TOR1B: variants seen among roughly 807,000 people sequenced by gnomAD.
The protein encoded by TOR1B is torsin family 1 member B.
TOR1B carries 14 observed loss-of-function variants against 29.2 expected under a neutral mutation model. The ratio of observed to expected loss-of-function variants is 0.48; its 90% CI spans 0.32 to 0.75. TOR1B has a LOEUF of 0.75. Ranked by LOEUF, TOR1B falls within the 30% of genes least tolerant of loss-of-function variation. The probability of loss-of-function intolerance (pLI) is 0.04; values close to 1 mark genes in which losing one functional copy is unlikely to be tolerated. For missense variants in TOR1B, 400 were observed against 433.9 expected (o/e 0.92, Z 0.69); for synonymous variants, 166 against 179.8 (o/e 0.92, Z 0.62).
At position 129,804,203 on chromosome 9, in the gene TOR1B, G is replaced by T. The variant is rs776410875; in HGVS notation, c.330G>T (p.Trp110Cys). 6 of 1,614,178 alleles carry T rather than the reference G, an allele frequency of 3.7e-6. No homozygotes were observed. Among genetic ancestry groups the T allele is most frequent in the Non-Finnish European group, 5.1e-6 (6 of 1,180,042 alleles). ...KKPLTLSLHG[W>C]AGTGKNFVSQ... ...CACTGACCCTTTCCTTACACGGCTG[G>T]GCTGGCACAGGCAAGAATTTTGTCA... Residue 110 changes from tryptophan (W) to cysteine (C), a missense_variant, in exon 2 of 5, where the codon TGG becomes TGT. By Grantham distance (215) the Trp-to-Cys change is radical. Coordinates refer to ENST00000259339, the MANE Select transcript of TOR1B (RefSeq NM_014506.3).
intron 2 of TOR1B, 134 bp from the exon 3 acceptor site, chr9:129,807,054 C>A: frequency 1.3e-6 from 1 of 742,294 alleles, no homozygotes; most frequent in Non-Finnish European, 2.2e-6. Flanking sequence ...TGCTACCTAG[C>A]GAGTGGGGGT....
chr9:129,804,532 C>A lies in TOR1B; in HGVS notation c.465+194C>A, dbSNP rs1284046039. On this transcript the variant is annotated intron_variant, in intron 2 of 4. Coordinates refer to ENST00000259339, the MANE Select transcript of TOR1B (RefSeq NM_014506.3). ...TCTCTTACTTGGTTCCAAAACAGTC[C>A]AGTGGGGTAGGGGATGTTATTTCCA... The A allele has an allele frequency of 4.4e-6, 3 of 681,972 alleles. No homozygotes were observed. In the African/African-American group the frequency reaches 5.4e-5, roughly 12 times the overall value. 42.2% of individuals were successfully genotyped at this position (681,972 alleles called of 1,614,324 possible). A position where few individuals can be genotyped will look rare whatever the true frequency, so the allele number is the denominator to read the frequency against.
chr9:129,810,213 C>T lies in TOR1B; in HGVS notation c.*630C>T, dbSNP rs890164663. The T allele has an allele frequency of 1.2e-5, 15 of 1,304,106 alleles. No individual in the cohort carries two copies. Among genetic ancestry groups the T allele is most frequent in the East Asian group, 5.5e-5 (1 of 18,038 alleles). The allele number at this position is 1,304,106 out of a possible 1,614,324, so 80.8% of individuals were successfully genotyped here. A position where few individuals can be genotyped will look rare whatever the true frequency, so the allele number is the denominator to read the frequency against. ...CCAAAAACATCCTTTTGCTCTGTCT[C>T]GTTCTTTACACAGAGTTCACTGACT... On this transcript the variant is annotated 3_prime_UTR_variant, in exon 5 of 5. Transcript: ENST00000259339.
chr9:129,804,522 C>T, intron 2 of TOR1B, 184 bp downstream of exon 2: 1 of 744,352 alleles, frequency 1.3e-6, no homozygotes, highest in East Asian at 2.7e-5. Context: ...TACTTGGTTC[C>T]AAAACAGTCC....
intron 2 of TOR1B, 69 bp downstream of exon 2, chr9:129,804,407 C>G: frequency 1.3e-6 from 2 of 1,564,838 alleles, no homozygotes; most frequent in Non-Finnish European, 1.7e-6. Context: ...CTCACTAACT[C>G]TGGCCTCTGC....
At chr9:129,803,791 A>G (rs1157429729) in intron 1 of TOR1B, among the ~76,000 whole-genome samples, 1 of 152,216 alleles carries the variant, frequency 6.6e-6, no homozygotes, top group Non-Finnish European at 1.5e-5. Context: ...GTTTTCCTGC[A>G]GGTCAGCAAG....
Position 129,803,291 on chromosome 9 carries a change from C to G in TOR1B, c.79C>G (p.Pro27Ala), listed in dbSNP as rs1398480706. Residue 27 changes from proline to alanine, a missense_variant, in exon 1 of 5, where the codon CCC becomes GCC. Pro to Ala is a conservative substitution (Grantham distance 27, BLOSUM62 -1). Transcript: ENST00000259339. Reference protein sequence around the residue: ...LAARVVAAFEPITVGLAIGAA... With the variant: ...LAARVVAAFEAITVGLAIGAA... ...GGCCCGAGTGGTGGCGGCGTTCGAGCCCATCACCGTGGGCCTAGCCATCGG... is the reference window on the plus strand; with the variant it reads ...GGCCCGAGTGGTGGCGGCGTTCGAGGCCATCACCGTGGGCCTAGCCATCGG... 6.3e-7 allele frequency: 1 copy of G among 1,579,894 alleles called. No individual in the cohort carries two copies. The highest frequency in any genetic ancestry group is 1.7e-5 in the Admixed American group (1 of 57,370).
chr9:129,804,694 C>A (rs2030369459), intron 2 of TOR1B, among the ~76,000 whole-genome samples: 1 of 152,002 alleles, frequency 6.6e-6, no homozygotes, highest in South Asian at 2.1e-4. Flanking sequence ...AACCCCATCT[C>A]TACCTAAAAG....
Position 129,803,271 on chromosome 9 carries a change from G to A in TOR1B, c.59G>A (p.Arg20Gln). Residue 20 changes from arginine to glutamine, a missense_variant, in exon 1 of 5, where the codon CGA becomes CAA. Physicochemically the swap from Arg to Gln is conservative, Grantham distance 43. Transcript: ENST00000259339. ...GCGCTGGCGCTGCTGCTGGCGGCCC[G>A]AGTGGTGGCGGCGTTCGAGCCCATC... Reference protein sequence around the residue: ...AAALALLLAARVVAAFEPITV... With the variant: ...AAALALLLAAQVVAAFEPITV... 6.4e-7 allele frequency: 1 copy of A among 1,566,076 alleles called. No homozygotes were observed. The highest frequency in any genetic ancestry group is 8.6e-7 in the Non-Finnish European group (1 of 1,161,570).
intron 2 of TOR1B, among the ~76,000 whole-genome samples, chr9:129,805,519 A>G (rs1201219820): frequency 6.6e-6 from 1 of 152,182 alleles, no homozygotes; most frequent in East Asian, 1.9e-4. Flanking sequence ...TTGTAGCAGA[A>G]CCAAAACCTC....
In TOR1B at chr9:129,804,239, G is replaced by A. The variant is rs1237720271; in HGVS notation, c.366G>A (p.Val122=). ...GTGKNFVSQI[V]AENLHPKGLK... is the part of the protein sequence containing the mutation. ...GCAAGAATTTTGTCAGTCAAATTGT[G>A]GCTGAAAATCTTCACCCAAAAGGTC... is the stretch of plus-strand genomic sequence containing the variant. Residue 122 remains valine (V), a synonymous_variant, in exon 2 of 5, where the codon GTG becomes GTA. Transcript: ENST00000259339. 1.2e-5 allele frequency: 19 copies of A among 1,614,206 alleles called. No individual in the cohort carries two copies. The highest frequency in any genetic ancestry group is 6.7e-5 in the East Asian group (3 of 44,882).
chr9:129,804,377 G>C lies in TOR1B; in HGVS notation c.465+39G>C, dbSNP rs774255451. On this transcript the variant is annotated intron_variant, in intron 2 of 4. Coordinates refer to ENST00000259339, the MANE Select transcript of TOR1B (RefSeq NM_014506.3). ...CTATTATCTCGTCTGCAGGCCAGTC[G>C]GACTGGTCCGGGTGACCTGCTCACT... 6.9e-6 allele frequency: 11 copies of C among 1,599,738 alleles called. No individual in the cohort carries two copies. The South Asian group carries it at 1.2e-4, about 18-fold the overall frequency.
Position 129,803,226 on chromosome 9 carries a change from G to T in TOR1B, c.14G>T (p.Gly5Val), listed in dbSNP as rs1163760632. 6.6e-7 allele frequency: 1 copy of T among 1,524,074 alleles called. No homozygotes were observed. Among genetic ancestry groups the T allele is most frequent in the Non-Finnish European group, 8.7e-7 (1 of 1,143,706 alleles). 94.4% of individuals were successfully genotyped at this position (1,524,074 alleles called of 1,614,324 possible). Residue 5 changes from glycine (G) to valine (V), a missense_variant, in exon 1 of 5, where the codon GGG (glycine) becomes GTG (valine). Physicochemically the swap from Gly to Val is moderately radical, Grantham distance 109 (BLOSUM62 -3). Transcript: ENST00000259339. Reference sequence around the variant, plus strand: ...TCGAGGAGCGGGATGTTGCGGGCTGGGTGGCTCCGGGGCGCGGCGGCGCTG... The same window carrying T: ...TCGAGGAGCGGGATGTTGCGGGCTGTGTGGCTCCGGGGCGCGGCGGCGCTG... MLRA[G>V]WLRGAAALAL...
rs1407098360 is a variant in TOR1B, at chr9:129,804,340, C to T, written c.465+2C>T. The T allele has an allele frequency of 1.2e-6, 2 of 1,609,172 alleles. No homozygotes were observed. Among genetic ancestry groups the T allele is most frequent in the Non-Finnish European group, 1.7e-6 (2 of 1,175,822 alleles). ...GAGCAGAAGATAAAACTGTACCAGG[C>T]AAGAGAACCCGCTATTATCTCGTCT... On this transcript the variant is annotated splice_donor_variant, in intron 2 of 4. Coordinates refer to ENST00000259339, the MANE Select transcript of TOR1B (RefSeq NM_014506.3). LOFTEE classifies it low-confidence loss of function (GC_TO_GT_DONOR).
rs2287367 is a variant in TOR1B at position 129,810,514 on chromosome 9, A to C, written c.*931A>C. On this transcript the variant is annotated 3_prime_UTR_variant, in exon 5 of 5. Coordinates refer to ENST00000259339, the MANE Select transcript of TOR1B (RefSeq NM_014506.3). ...TGCCTTGTGCCATATCTCAGCTTGG[A>C]TCTCTGCTAGAGTCCCCCCAACCAT... 0.24 allele frequency: 235,806 copies of C among 974,924 alleles called. 28,952 individuals carry two copies. Among genetic ancestry groups the C allele is most frequent in the Middle Eastern group, 0.26 (547 of 2,070 alleles). 60.4% of individuals were successfully genotyped at this position (974,924 alleles called of 1,614,324 possible). A position where few individuals can be genotyped will look rare whatever the true frequency, so the allele number is the denominator to read the frequency against.
At position 129,809,584 on chromosome 9, in the gene TOR1B, GCTC is replaced by G. The variant is rs770812700; in HGVS notation, c.*4_*6del. 6.2e-7 allele frequency: 1 copy of G among 1,614,226 alleles called. No individual in the cohort carries two copies. The highest frequency in any genetic ancestry group is 8.5e-7 in the Non-Finnish European group (1 of 1,180,032). On this transcript the variant is annotated 3_prime_UTR_variant, in exon 5 of 5. Transcript: ENST00000259339. The stretch of plus-strand genomic sequence containing the variant: ...GCAGTCGCGGCTGGATTTCCACTGA[GCTC>G]CTATCCAGATGGGGTAGGAGACAGC...
Position 129,810,100 on chromosome 9 carries a change from C to T in TOR1B, c.*517C>T. On this transcript the variant is annotated 3_prime_UTR_variant, in exon 5 of 5. Coordinates refer to ENST00000259339, the MANE Select transcript of TOR1B (RefSeq NM_014506.3). ...ACCCGCGCCTCAGAAGCTACGGTCA[C>T]AACTAAAGGAGTCCAGGGACTTGCT... 5 of 1,288,564 alleles carry T rather than the reference C, an allele frequency of 3.9e-6. No individual in the cohort carries two copies. The highest frequency in any genetic ancestry group is 5.1e-6 in the Non-Finnish European group (5 of 978,316). The allele number at this position is 1,288,564 out of a possible 1,614,324, so 79.8% of individuals were successfully genotyped here.
rs542740092 is a variant in TOR1B at position 129,810,351 on chromosome 9, G to A, written c.*768G>A. 6.3e-6 allele frequency: 7 copies of A among 1,105,484 alleles called. No homozygotes were observed. The highest frequency in any genetic ancestry group is 7.2e-6 in the Non-Finnish European group (6 of 835,860). 68.5% of individuals were successfully genotyped at this position (1,105,484 alleles called of 1,614,324 possible). A position where few individuals can be genotyped will look rare whatever the true frequency, so the allele number is the denominator to read the frequency against. On this transcript the variant is annotated 3_prime_UTR_variant, in exon 5 of 5. Coordinates refer to ENST00000259339, the MANE Select transcript of TOR1B (RefSeq NM_014506.3). ...TGAGCTGACCTGTGTGTGTGTGTGT[G>A]GGGGGGTGGGGCCTTCACCTAAGAC... is the stretch of plus-strand genomic sequence containing the variant.
At chr9:129,804,828 C>T (rs1208768631) in intron 2 of TOR1B, among the ~76,000 whole-genome samples, 2 of 111,292 alleles carry the variant, frequency 1.8e-5, no homozygotes, top group Non-Finnish European at 1.7e-5. Flanking sequence ...CGCCACCGTA[C>T]TCGGTCTCAA....
Sources: allele counts gnomAD v4.1 joint callset (sites outside exome capture counted in the v4.1 genomes callset), GRCh38; gene constraint gnomAD v4.1.1; transcripts MANE v1.5; gene names NCBI Gene and HGNC (gene_info 2026-07-23, HGNC 2026-07-21).